The following LNX2 variants were observed in gnomAD, a reference collection of about 807,000 sequenced individuals.
LNX2 encodes the protein ligand of Numb protein X 2.
LNX2 carries 35 observed loss-of-function variants against 66.2 expected under a neutral mutation model. The observed-to-expected ratio is 0.53, with a 90% CI of 0.40 to 0.70. The LOEUF is 0.70. Ranked by LOEUF, LNX2 falls within the 30% of genes least tolerant of loss-of-function variation. LNX2 has a pLI of 0.00. For missense variants in LNX2, 791 were observed against 850.8 expected (o/e 0.93, Z 0.87); for synonymous variants, 337 against 315.6 (o/e 1.07, Z -0.72).
intron 1 of LNX2, among the ~76,000 whole-genome samples, chr13:27,617,759 G>A (rs1419579306): frequency 6.6e-6 from 1 of 151,936 alleles, no homozygotes; most frequent in Non-Finnish European, 1.5e-5. Context: ...TCCAACAACT[G>A]CATCATGGAT....
intron 1 of LNX2, among the ~76,000 whole-genome samples, chr13:27,604,388 T>A (rs510342): frequency 6.6e-6 from 1 of 152,038 alleles, no homozygotes; most frequent in East Asian, 1.9e-4. Context: ...CCTCAGCTAT[T>A]GAGCACACTA....
rs139376879 is a variant in LNX2 at position 27,617,850 on chromosome 13, GT to G, written c.-101+2524del. Among the ~76,000 whole-genome samples, 826 of 152,214 alleles carry G rather than the reference GT, an allele frequency of 5.4e-3. 5 individuals carry two copies. Among genetic ancestry groups the G allele is most frequent in the Non-Finnish European group, 9.5e-3 (645 of 68,014 alleles). ...CCCTTCTACACCTCTACCATCAATT[GT>G]TTTTAACTGCTCCTTCTCATATCCT... is the stretch of plus-strand genomic sequence containing the variant. On this transcript the variant is annotated intron_variant, in intron 1 of 9. Coordinates refer to ENST00000316334, the MANE Select transcript of LNX2 (RefSeq NM_153371.4).
At chr13:27,562,359 C>T (rs1011477219) in intron 5 of LNX2, 54 bp downstream of exon 5, 3 of 1,542,820 alleles carry the variant, frequency 1.9e-6, no homozygotes, top group African/African-American at 1.4e-5. Context: ...AAAACAAATA[C>T]TACTATATGA....
At chr13:27,567,904 A>G in intron 3 of LNX2, 65 bp from the exon 4 acceptor site, 1 of 1,299,186 alleles carries the variant, frequency 7.7e-7, no homozygotes, top group Non-Finnish European at 1.1e-6. Context: ...CCAACAATTT[A>G]TATTCTGATT....
At chr13:27,576,148 T>C (rs906416815) in intron 2 of LNX2, among the ~76,000 whole-genome samples, 2 of 152,138 alleles carry the variant, frequency 1.3e-5, no homozygotes, top group African/African-American at 4.8e-5. Flanking sequence ...ATGACAATTA[T>C]AAACAGAAAT....
intron 1 of LNX2, among the ~76,000 whole-genome samples, chr13:27,582,697 GA>G (rs1955414347): frequency 6.6e-6 from 1 of 152,018 alleles, no homozygotes; most frequent in African/African-American, 2.4e-5. Flanking sequence ...ACAATGAGAA[GA>G]AATGGACACA....
chr13:27,569,327 CAAAT>C (rs771204239), intron 2 of LNX2, 51 bp from the exon 3 acceptor site: 13 of 1,574,224 alleles, frequency 8.3e-6, no homozygotes, highest in Middle Eastern at 2.2e-4. Context: ...AACAAACAAA[CAAAT>C]AAAATAGGGA....
rs866989663 is a variant in LNX2, at chr13:27,620,479, C to A, written c.-205G>T. 7.3e-4 allele frequency: 125 copies of A among 171,650 alleles called. No homozygotes were observed. Among genetic ancestry groups the A allele is most frequent in the African/African-American group, 2.8e-3 (117 of 41,678 alleles). 10.6% of individuals were successfully genotyped at this position (171,650 alleles called of 1,614,324 possible). On this transcript the variant is annotated 5_prime_UTR_variant, in exon 1 of 10. Transcript: ENST00000316334. Reference sequence around the variant, plus strand: ...CTGAGGGAGCGGAGAGCCTGCCCGGCTCCGCTCCGCCAGGAATCGCCGCCG... The same window carrying A: ...CTGAGGGAGCGGAGAGCCTGCCCGGATCCGCTCCGCCAGGAATCGCCGCCG...
rs766305194 is a variant in LNX2, at chr13:27,562,421, T to A, written c.1216A>T (p.Ile406Phe). Residue 406 changes from isoleucine (I) to phenylalanine (F), a missense_variant, in exon 5 of 10, where the codon ATT becomes TTT. By Grantham distance (21) the Ile-to-Phe change is conservative. Coordinates refer to ENST00000316334, the MANE Select transcript of LNX2 (RefSeq NM_153371.4). The stretch of plus-strand genomic sequence containing the variant: ...AGGCCAAGAGGGTTTACCTGAATAA[T>A]CTGGGCAGCAAGCTCCGGAGTTCCA... ...KYGTPELAAQ[I>F]IQASGERVNL... is the part of the protein sequence containing the mutation. 5 of 1,613,000 alleles carry A rather than the reference T, an allele frequency of 3.1e-6. No individual in the cohort carries two copies. Among genetic ancestry groups the A allele is most frequent in the Non-Finnish European group, 4.2e-6 (5 of 1,179,426 alleles).
intron 1 of LNX2, among the ~76,000 whole-genome samples, chr13:27,608,077 C>G (rs561920694): frequency 1.5e-4 from 23 of 152,308 alleles, no homozygotes; most frequent in African/African-American, 5.3e-4. Context: ...TTGCTATAGT[C>G]TCACCATGTA....
intron 4 of LNX2, 93 bp downstream of exon 4, chr13:27,567,547 A>C: frequency 1.0e-6 from 1 of 962,720 alleles, no homozygotes. Context: ...ATCTATATAT[A>C]ATTTAGGTTC....
intron 1 of LNX2, among the ~76,000 whole-genome samples, chr13:27,603,799 T>TA (rs1955684373): frequency 6.6e-6 from 1 of 152,134 alleles, no homozygotes; most frequent in Non-Finnish European, 1.5e-5. Context: ...CATTGTAGCT[T>TA]ACAATGACAA....
intron 1 of LNX2, among the ~76,000 whole-genome samples, chr13:27,613,210 G>A (rs511644): frequency 0.31 from 46,981 of 151,948 alleles, 8,969 homozygotes; most frequent in East Asian, 0.46. Context: ...TATTCCAGGT[G>A]TTTAACCATG....
At chr13:27,559,398 T>C (rs1398654242) in intron 6 of LNX2, among the ~76,000 whole-genome samples, 1 of 152,220 alleles carries the variant, frequency 6.6e-6, no homozygotes, top group Admixed American at 6.5e-5. Context: ...ATATGTTTAA[T>C]CTTCATGTAT....
rs1414604506 is a variant in LNX2, at chr13:27,586,371, TCCTGA to T, written c.-100-4573_-100-4569del. ...TATGAGTTTTGGAAGGAGAAAGGCA[TCCTGA>T]CCTCACTTCTCTAAGCCCCAATCCC... On this transcript the variant is annotated intron_variant, in intron 1 of 9. Transcript: ENST00000316334. Among the ~76,000 whole-genome samples the T allele has an allele frequency of 2.0e-5, 3 of 152,158 alleles. No individual in the cohort carries two copies. The East Asian group carries it at 5.8e-4, about 29-fold the overall frequency.
intron 1 of LNX2, among the ~76,000 whole-genome samples, chr13:27,616,893 G>A (rs548851422): frequency 1.3e-4 from 20 of 152,290 alleles, no homozygotes; most frequent in African/African-American, 4.8e-4. Flanking sequence ...TGGGATTACA[G>A]GCACCTGCCA....
At chr13:27,549,471 T>C (rs1234575373) in intron 9 of LNX2, among the ~76,000 whole-genome samples, 2 of 152,176 alleles carry the variant, frequency 1.3e-5, no homozygotes, top group African/African-American at 2.4e-5. Flanking sequence ...GGACTTTTGC[T>C]CAGTGGTAGA....
rs776126894 is a variant in LNX2, at chr13:27,569,249, A to C, written c.435T>G (p.Val145=). Residue 145 remains valine, a synonymous_variant, in exon 3 of 10, where the codon GTT becomes GTG. Coordinates refer to ENST00000316334, the MANE Select transcript of LNX2 (RefSeq NM_153371.4). ...TACTAGTTTTCCTTCTCTCCAGGGCAACTCTCCGATGAGAAGCTCCAGGAC... is the reference window on the plus strand; with the variant it reads ...TACTAGTTTTCCTTCTCTCCAGGGCCACTCTCCGATGAGAAGCTCCAGGAC... The part of the protein sequence containing the change: ...NRCPGASHRR[V]ALERRKTSRT... The C allele has an allele frequency of 6.2e-7, 1 of 1,613,206 alleles. No individual in the cohort carries two copies. The highest frequency in any genetic ancestry group is 8.5e-7 in the Non-Finnish European group (1 of 1,179,640).
intron 1 of LNX2, among the ~76,000 whole-genome samples, chr13:27,604,094 A>T (rs1955688592): frequency 6.6e-6 from 1 of 152,140 alleles, no homozygotes; most frequent in Non-Finnish European, 1.5e-5. Context: ...CTCTACTAAA[A>T]ATACAAAAAA....
Sources: gnomAD v4.1 joint callset for allele counts (sites outside exome capture counted in the v4.1 genomes callset) on GRCh38, gnomAD v4.1.1 for gene constraint, MANE v1.5 for transcripts, NCBI Gene and HGNC (gene_info 2026-07-23, HGNC 2026-07-21) for gene names.